RAB3D: variants seen among roughly 807,000 people sequenced by gnomAD.
RAB3D encodes ras-related protein Rab-3D.
A neutral mutation model predicts 19.3 loss-of-function variants in RAB3D; 17 were observed. The ratio of observed to expected loss-of-function variants is 0.88; its 90% CI spans 0.60 to 1.32. The LOEUF (loss-of-function observed/expected upper bound fraction) is 1.32. Ranked by LOEUF, RAB3D falls within the 40% of genes most tolerant of loss-of-function variation. The pLI, the probability that RAB3D is intolerant of heterozygous loss-of-function variation, is 0.00. For synonymous variants in RAB3D, 103 were observed against 119.9 expected (o/e 0.86, Z 0.92); for missense variants, 223 against 299.1 (o/e 0.75, Z 1.88).
At position 11,335,653 on chromosome 19, in the gene RAB3D, G is replaced by A. The variant is rs543578612; in HGVS notation, c.347+12C>T. 1.7e-4 allele frequency: 271 copies of A among 1,613,616 alleles called. 1 individual carries two copies. Among genetic ancestry groups the A allele is most frequent in the Admixed American group, 8.2e-4 (49 of 60,014 alleles). On this transcript the variant is annotated intron_variant, in intron 3 of 4. Coordinates refer to ENST00000222120, the MANE Select transcript of RAB3D (RefSeq NM_004283.4). Reference sequence around the variant, plus strand: ...GGCAAAGATCAGGGGTCCATGATCAGCAAGCACTCACCAGTCCTGCACAGC... The same window carrying A: ...GGCAAAGATCAGGGGTCCATGATCAACAAGCACTCACCAGTCCTGCACAGC...
chr19:11,335,692 T>C lies in RAB3D; in HGVS notation c.320A>G (p.Gln107Arg), dbSNP rs1229857607. Residue 107 changes from glutamine to arginine, a missense_variant, in exon 3 of 5, where the codon CAG becomes CGG. By Grantham distance (43) the Gln-to-Arg change is conservative. Coordinates refer to ENST00000222120, the MANE Select transcript of RAB3D (RefSeq NM_004283.4). The stretch of plus-strand genomic sequence containing the variant: ...GTCCTGCACAGCGGCAAAGGATTCC[T>C]GATTGGCGATGTCATACATGAGCAG... ...GFLLMYDIAN[Q>R]ESFAAVQDWA... 4.3e-6 allele frequency: 7 copies of C among 1,614,184 alleles called. No individual in the cohort carries two copies. The highest frequency in any genetic ancestry group is 5.1e-6 in the Non-Finnish European group (6 of 1,180,010).
At chr19:11,330,864 TA>T (rs1440745079) in intron 4 of RAB3D, among the ~76,000 whole-genome samples, 1 of 151,628 alleles carries the variant, frequency 6.6e-6, no homozygotes, top group African/African-American at 2.4e-5. Flanking sequence ...AATTTTTTTT[TA>T]ATTAGGCAGG....
intron 4 of RAB3D, among the ~76,000 whole-genome samples, chr19:11,327,640 C>G: frequency 6.6e-6 from 1 of 152,108 alleles, no homozygotes; most frequent in East Asian, 1.9e-4. Context: ...CTCAGATGAT[C>G]CACCTGCCTC....
chr19:11,337,206 T>C lies in RAB3D; in HGVS notation c.194A>G (p.Tyr65Cys). 6.2e-7 allele frequency: 1 copy of C among 1,613,906 alleles called. No homozygotes were observed. Among genetic ancestry groups the C allele is most frequent in the South Asian group, 1.1e-5 (1 of 91,082 alleles). ...CAGCTTGATCCTCTTGTCATGGCGGTAGACGGTCTTGACCTTGAAATCGAT... is the reference window on the plus strand; with the variant it reads ...CAGCTTGATCCTCTTGTCATGGCGGCAGACGGTCTTGACCTTGAAATCGAT... ...VGIDFKVKTV[Y>C]RHDKRIKLQI... Residue 65 changes from tyrosine (Y) to cysteine (C), a missense_variant, in exon 2 of 5, where the codon TAC (tyrosine) becomes TGC (cysteine). Physicochemically the swap from Tyr to Cys is radical, Grantham distance 194 (BLOSUM62 -2). Coordinates refer to ENST00000222120, the MANE Select transcript of RAB3D (RefSeq NM_004283.4).
At chr19:11,332,286 C>A (rs570726826) in intron 4 of RAB3D, among the ~76,000 whole-genome samples, 1 of 152,352 alleles carries the variant, frequency 6.6e-6, no homozygotes, top group East Asian at 1.9e-4. Context: ...CCTGCCTCGG[C>A]CTCCCAAAGT....
intron 4 of RAB3D, among the ~76,000 whole-genome samples, chr19:11,330,612 C>G (rs1046996743): frequency 6.6e-6 from 1 of 152,074 alleles, no homozygotes; most frequent in Non-Finnish European, 1.5e-5. Flanking sequence ...TGCAGTGGCA[C>G]GATCTCGGCT....
intron 1 of RAB3D, among the ~76,000 whole-genome samples, chr19:11,337,864 G>A (rs752546275): frequency 6.6e-6 from 1 of 151,860 alleles, no homozygotes; most frequent in Non-Finnish European, 1.5e-5. Context: ...GTAGAGATGG[G>A]GTCTCATTAT....
At chr19:11,326,873 G>C (rs762649435) in intron 4 of RAB3D, 1 of 609,628 alleles carries the variant, frequency 1.6e-6, no homozygotes, top group African/African-American at 1.9e-5. Flanking sequence ...GCCTCCCAAA[G>C]TGCTGGGTTT....
intron 2 of RAB3D, among the ~76,000 whole-genome samples, chr19:11,336,132 C>T (rs746357795): frequency 6.6e-6 from 1 of 152,124 alleles, no homozygotes; most frequent in African/African-American, 2.4e-5. Context: ...ACCATCCTGA[C>T]AGGACACCTT....
At chr19:11,335,854 C>T (rs2080851296) in intron 2 of RAB3D, 71 bp from the exon 3 acceptor site, 2 of 1,342,178 alleles carry the variant, frequency 1.5e-6, no homozygotes, top group Non-Finnish European at 1.1e-6. Context: ...TAGAGGGGCA[C>T]TGCCCTGTAC....
intron 4 of RAB3D, 63 bp downstream of exon 4, chr19:11,335,384 G>A (rs1384588666): frequency 2.5e-6 from 4 of 1,597,246 alleles, no homozygotes; most frequent in Non-Finnish European, 3.4e-6. Flanking sequence ...CCCTGAATCA[G>A]AGGATGGGGA....
intron 4 of RAB3D, chr19:11,326,962 AATCTCCATGCAGCCCCACCTGCCAC>A: frequency 2.0e-6 from 1 of 493,682 alleles, no homozygotes; most frequent in African/African-American, 2.0e-5. Flanking sequence ...GCTGTCCCTG[AATCTCCATGCAGCCCCACCTGCCAC>A]ATCACCAAGG....
At chr19:11,331,940 G>A (rs1404856454) in intron 4 of RAB3D, among the ~76,000 whole-genome samples, 2 of 152,160 alleles carry the variant, frequency 1.3e-5, no homozygotes, top group Non-Finnish European at 1.5e-5. Flanking sequence ...TATTTTGGGG[G>A]AATAGATGAT....
At chr19:11,338,709 C>T (rs550223166) in intron 1 of RAB3D, among the ~76,000 whole-genome samples, 2 of 152,270 alleles carry the variant, frequency 1.3e-5, no homozygotes, top group South Asian at 2.1e-4. Flanking sequence ...CCCAAGGAAA[C>T]GATCCCAGCC....
At position 11,328,565 on chromosome 19, in the gene RAB3D, T is replaced by G. The variant is rs1327020137; in HGVS notation, c.473-2980A>C. On this transcript the variant is annotated intron_variant, in intron 4 of 4. Transcript: ENST00000222120. Reference sequence around the variant, plus strand: ...AGGAGGCTGAGGCAGAAGAATTGCTTGAACCCGGGAGGTGTAGGTTGCAGT... The same window carrying G: ...AGGAGGCTGAGGCAGAAGAATTGCTGGAACCCGGGAGGTGTAGGTTGCAGT... Among the ~76,000 whole-genome samples the G allele has an allele frequency of 2.0e-5, 3 of 152,030 alleles. No homozygotes were observed. The East Asian group carries it at 5.8e-4, about 29-fold the overall frequency.
At chr19:11,331,263 C>A (rs1465121693) in intron 4 of RAB3D, among the ~76,000 whole-genome samples, 1 of 151,980 alleles carries the variant, frequency 6.6e-6, no homozygotes, top group Non-Finnish European at 1.5e-5. Flanking sequence ...CCATTGCACT[C>A]CAGCCTGGGC....
chr19:11,337,836 T>C (rs1214367201), intron 1 of RAB3D, among the ~76,000 whole-genome samples: 1 of 152,008 alleles, frequency 6.6e-6, no homozygotes, highest in Non-Finnish European at 1.5e-5. Context: ...ATCAGGCTAA[T>C]TTAAAAAAAA....
At chr19:11,335,813 G>C in intron 2 of RAB3D, 30 bp from the exon 3 acceptor site, 1 of 1,593,348 alleles carries the variant, frequency 6.3e-7, no homozygotes, top group Non-Finnish European at 8.6e-7. Context: ...AGTTGGCTGG[G>C]AACTACCTGT....
At chr19:11,327,200 C>T (rs1298673471) in intron 4 of RAB3D, among the ~76,000 whole-genome samples, 4 of 152,106 alleles carry the variant, frequency 2.6e-5, no homozygotes, top group African/African-American at 9.7e-5. Context: ...ACCCAGTGCC[C>T]GACACAGAGA....
Sources: gnomAD v4.1 joint callset for allele counts (sites outside exome capture counted in the v4.1 genomes callset) on GRCh38, gnomAD v4.1.1 for gene constraint, MANE v1.5 for transcripts, NCBI Gene and HGNC (gene_info 2026-07-23, HGNC 2026-07-21) for gene names.